THAP2: variants seen among roughly 807,000 people sequenced by gnomAD.
THAP2 encodes the protein THAP domain-containing protein 2.
In THAP2, 16 loss-of-function variants were observed where a neutral mutation model predicts 18.8. That is an observed-to-expected ratio of 0.85 (90% CI 0.58 to 1.29). THAP2 has a LOEUF of 1.29. Among genes scored for constraint, THAP2 ranks in the 50% most tolerant of loss-of-function variants. THAP2 has a pLI of 0.00. For synonymous variants in THAP2, 80 were observed against 89.2 expected (o/e 0.90, Z 0.58); for missense variants, 251 against 265.3 (o/e 0.95, Z 0.38).
intron 1 of THAP2, among the ~76,000 whole-genome samples, chr12:71,673,880 T>C (rs1881479951): frequency 6.6e-6 from 1 of 152,178 alleles, no homozygotes; most frequent in Admixed American, 6.6e-5. Context: ...TTACTCCCGC[T>C]TATAATTGTT....
rs770822500 is a variant in THAP2, at chr12:71,676,726, G to GTT, written c.306_307dup (p.Cys103PhefsTer10). The GTT allele has an allele frequency of 7.2e-7, 1 of 1,397,818 alleles. No individual in the cohort carries two copies. 86.6% of individuals were successfully genotyped at this position (1,397,818 alleles called of 1,614,324 possible). A position where few individuals can be genotyped will look rare whatever the true frequency, so the allele number is the denominator to read the frequency against. On this transcript the variant is annotated frameshift_variant, in exon 3 of 3. Coordinates refer to ENST00000308086, the MANE Select transcript of THAP2 (RefSeq NM_031435.4). LOFTEE classifies it high-confidence loss of function. ...AGGAATCTTTTGAAGAAAAACAACA[G>GTT]TTGTTCTCCAGCTGGACCATCTAAT...
At chr12:71,666,332 A>G (rs1881341770) in intron 1 of THAP2, among the ~76,000 whole-genome samples, 1 of 152,132 alleles carries the variant, frequency 6.6e-6, no homozygotes. Flanking sequence ...CAACATGGTG[A>G]AACCTCGTCT....
intron 2 of THAP2, among the ~76,000 whole-genome samples, chr12:71,675,508 A>C (rs1881507042): frequency 6.6e-6 from 1 of 152,156 alleles, no homozygotes; most frequent in Admixed American, 6.5e-5. Flanking sequence ...AGAGATACAA[A>C]GATCAAAAAA....
intron 1 of THAP2, among the ~76,000 whole-genome samples, chr12:71,672,272 C>T (rs1314872073): frequency 6.6e-6 from 1 of 152,166 alleles, no homozygotes; most frequent in Non-Finnish European, 1.5e-5. Context: ...TCTGCAGCCT[C>T]TTGGTCAGCA....
In THAP2 at chr12:71,664,541, C is replaced by T. The variant is rs749014961; in HGVS notation, c.32C>T (p.Ala11Val). 23 of 1,614,160 alleles carry T rather than the reference C, an allele frequency of 1.4e-5. No homozygotes were observed. Among genetic ancestry groups the T allele is most frequent in the Non-Finnish European group, 1.9e-5 (22 of 1,180,032 alleles). The change falls in exon 1 of 3, where the codon GCC becomes GTC. Residue 11 changes from alanine (A) to valine (V), a missense_variant. Ala to Val is a moderately conservative substitution (Grantham distance 64). Transcript: ENST00000308086. ...ACCAATTGCGCTGCGGCGGGCTGTG[C>T]CACTACCTACAACAAGCACATTAAC... is the stretch of plus-strand genomic sequence containing the variant. MPTNCAAAGCATTYNKHINIS... is the reference protein window; with the variant it reads MPTNCAAAGCVTTYNKHINIS...
At position 71,678,008 on chromosome 12, in the gene THAP2, T is replaced by A. The variant is rs1416943073; in HGVS notation, c.*900T>A. ...GAAATAGTGTATCAATATAGTGGGCTTTTTTTTTCCTCTTCATAAACCCAC... is the reference window on the plus strand; with the variant it reads ...GAAATAGTGTATCAATATAGTGGGCATTTTTTTTCCTCTTCATAAACCCAC... On this transcript the variant is annotated 3_prime_UTR_variant, in exon 3 of 3. Coordinates refer to ENST00000308086, the MANE Select transcript of THAP2 (RefSeq NM_031435.4). 6.6e-6 allele frequency: 1 copy of A among 151,554 alleles called. No homozygotes were observed. The highest frequency in any genetic ancestry group is 1.5e-5 in the Non-Finnish European group (1 of 67,846). 9.4% of individuals were successfully genotyped at this position (151,554 alleles called of 1,614,324 possible).
intron 1 of THAP2, among the ~76,000 whole-genome samples, chr12:71,666,970 G>A (rs1298592178): frequency 6.6e-6 from 1 of 152,208 alleles, no homozygotes; most frequent in East Asian, 1.9e-4. Context: ...CTGACCTTGT[G>A]ATCCACCTGC....
chr12:71,673,368 A>G (rs1881473038), intron 1 of THAP2, among the ~76,000 whole-genome samples: 1 of 152,144 alleles, frequency 6.6e-6, no homozygotes. Context: ...TTTATTGAAA[A>G]AAATACACAT....
intron 1 of THAP2, among the ~76,000 whole-genome samples, chr12:71,670,521 A>G (rs1881418524): frequency 6.6e-6 from 1 of 152,184 alleles, no homozygotes; most frequent in Admixed American, 6.5e-5. Context: ...ATGACTTTTG[A>G]TTCCCCAAAA....
Position 71,675,256 on chromosome 12 carries a change from A to G in THAP2, c.267+858A>G, listed in dbSNP as rs572472984. Among the ~76,000 whole-genome samples, 5 of 152,210 alleles carry G rather than the reference A, an allele frequency of 3.3e-5. No individual in the cohort carries two copies. In the East Asian group the frequency reaches 7.7e-4, roughly 24 times the overall value. ...AACTTTTAAATGTATATGAGTTATT[A>G]TCTGAATGGAGACGAGGTTGTGGTA... On this transcript the variant is annotated intron_variant, in intron 2 of 2. Transcript: ENST00000308086.
rs533462712 is a variant in THAP2, at chr12:71,678,271, G to A, written c.*1163G>A. 1.3e-5 allele frequency: 2 copies of A among 152,432 alleles called. No homozygotes were observed. The highest frequency in any genetic ancestry group is 2.9e-5 in the Non-Finnish European group (2 of 68,018). 9.4% of individuals were successfully genotyped at this position (152,432 alleles called of 1,614,324 possible). A position where few individuals can be genotyped will look rare whatever the true frequency, so the allele number is the denominator to read the frequency against. On this transcript the variant is annotated 3_prime_UTR_variant, in exon 3 of 3. Transcript: ENST00000308086. ...GATTGCACGACTGCACTCCAGCCTG[G>A]GCAATGGAGTGAGACTCCTGTCTCT...
intron 1 of THAP2, among the ~76,000 whole-genome samples, chr12:71,671,946 T>G (rs988792615): frequency 6.6e-6 from 1 of 152,110 alleles, no homozygotes; most frequent in Non-Finnish European, 1.5e-5. Context: ...ATGGAACCAA[T>G]CCAGAAAAAG....
Position 71,674,127 on chromosome 12 carries a change from G to A in THAP2, c.72-76G>A, listed in dbSNP as rs1038895279. The A allele has an allele frequency of 2.0e-4, 274 of 1,392,448 alleles. 1 individual carries two copies. Among genetic ancestry groups the A allele is most frequent in the Admixed American group, 2.5e-4 (9 of 36,232 alleles). 86.3% of individuals were successfully genotyped at this position (1,392,448 alleles called of 1,614,324 possible). A position where few individuals can be genotyped will look rare whatever the true frequency, so the allele number is the denominator to read the frequency against. ...ATGGGACACACTTTTAATCATCTTC[G>A]AAATTTCTTTTAATCATTTAGGTGC... On this transcript the variant is annotated intron_variant, in intron 1 of 2. Coordinates refer to ENST00000308086, the MANE Select transcript of THAP2 (RefSeq NM_031435.4).
intron 1 of THAP2, among the ~76,000 whole-genome samples, chr12:71,666,776 C>A (rs1881350413): frequency 2.0e-5 from 3 of 151,964 alleles, no homozygotes; most frequent in Admixed American, 2.0e-4. Flanking sequence ...ATTCTGTCAC[C>A]CAGGCTGGAG....
At position 71,680,433 on chromosome 12, in the gene THAP2, T is replaced by C. The variant is rs990652600; in HGVS notation, c.*3325T>C. On this transcript the variant is annotated 3_prime_UTR_variant, in exon 3 of 3. Coordinates refer to ENST00000308086, the MANE Select transcript of THAP2 (RefSeq NM_031435.4). ...GTAGACTTTATAATATTGTGTTTTA[T>C]CTCATTTCTCAATATTAGAATACGG... The C allele has an allele frequency of 6.6e-6, 1 of 152,634 alleles. No homozygotes were observed. Among genetic ancestry groups the C allele is most frequent in the African/African-American group, 2.4e-5 (1 of 41,452 alleles). 9.5% of individuals were successfully genotyped at this position (152,634 alleles called of 1,614,324 possible).
Position 71,677,251 on chromosome 12 carries a change from G to A in THAP2, c.*143G>A. ...AATTTGTGAAGACTTGATTACAAAA[G>A]AATAAAAAACTTCATATGGAAATTT... On this transcript the variant is annotated 3_prime_UTR_variant, in exon 3 of 3. Coordinates refer to ENST00000308086, the MANE Select transcript of THAP2 (RefSeq NM_031435.4). 1.3e-6 allele frequency: 1 copy of A among 776,314 alleles called. No homozygotes were observed. Among genetic ancestry groups the A allele is most frequent in the Non-Finnish European group, 1.8e-6 (1 of 561,522 alleles). The allele number at this position is 776,314 out of a possible 1,614,324, so 48.1% of individuals were successfully genotyped here.
At chr12:71,672,065 A>T (rs930181570) in intron 1 of THAP2, among the ~76,000 whole-genome samples, 1 of 152,200 alleles carries the variant, frequency 6.6e-6, no homozygotes, top group African/African-American at 2.4e-5. Flanking sequence ...TAAGGGCAGA[A>T]CTGATATAAA....
At chr12:71,675,302 A>G (rs912662706) in intron 2 of THAP2, among the ~76,000 whole-genome samples, 2 of 152,138 alleles carry the variant, frequency 1.3e-5, no homozygotes, top group South Asian at 4.1e-4. Context: ...CACTGATGTT[A>G]GAAAAGCTCC....
rs1405354348 is a variant in THAP2, at chr12:71,664,835, A to G, written c.71+255A>G. On this transcript the variant is annotated intron_variant, in intron 1 of 2. Coordinates refer to ENST00000308086, the MANE Select transcript of THAP2 (RefSeq NM_031435.4). ...TAGTAAAAAAAAGTAACAGGAGGAT[A>G]TCGTAATTTTCTACTGTTTTATTCC... 3.0e-5 allele frequency: 21 copies of G among 703,484 alleles called. No individual in the cohort carries two copies. The East Asian group carries it at 5.4e-4, about 18-fold the overall frequency. The allele number at this position is 703,484 out of a possible 1,614,324, so 43.6% of individuals were successfully genotyped here.
Sources: gnomAD v4.1 joint callset for allele counts (sites outside exome capture counted in the v4.1 genomes callset) on GRCh38, gnomAD v4.1.1 for gene constraint, MANE v1.5 for transcripts, NCBI Gene and HGNC (gene_info 2026-07-23, HGNC 2026-07-21) for gene names.